The following GALNT10 variants were observed in gnomAD, a reference collection of about 807,000 sequenced individuals.
GALNT10 encodes the protein GalNAc transferase 10.
GALNT10 carries 41 observed loss-of-function variants against 75.0 expected under a neutral mutation model. The ratio of observed to expected loss-of-function variants is 0.55; its 90% CI spans 0.43 to 0.71. The LOEUF (loss-of-function observed/expected upper bound fraction) is 0.71, where lower values mean the gene tolerates loss of function less well. Ranked by LOEUF, GALNT10 falls within the 30% of genes least tolerant of loss-of-function variation. The pLI, the probability that GALNT10 is intolerant of heterozygous loss-of-function variation, is 0.00. For synonymous variants in GALNT10, 302 were observed against 313.0 expected, an observed-to-expected ratio of 0.96 and a Z score of 0.37; for missense variants, 727 against 818.5, an observed-to-expected ratio of 0.89 and a Z score of 1.36.
At chr5:154,411,759 A>G (rs1324955384) in intron 9 of GALNT10, among the ~76,000 whole-genome samples, 1 of 152,208 alleles carries the variant, frequency 6.6e-6, no homozygotes, top group Admixed American at 6.5e-5. Flanking sequence ...GTGTTAGTTC[A>G]AGTCCTCCAA....
intron 1 of GALNT10, among the ~76,000 whole-genome samples, chr5:154,195,285 T>A (rs1451328441): frequency 6.6e-6 from 1 of 152,254 alleles, no homozygotes; most frequent in African/African-American, 2.4e-5. Flanking sequence ...TGCAGAGGTT[T>A]CGTGTTTTAC....
At chr5:154,383,431 A>G (rs1368981800) in intron 6 of GALNT10, among the ~76,000 whole-genome samples, 2 of 152,238 alleles carry the variant, frequency 1.3e-5, no homozygotes, top group Admixed American at 1.3e-4. Flanking sequence ...GGAGACTAAT[A>G]TTAGAGCTTT....
Position 154,416,060 on chromosome 5 carries a change from T to A in GALNT10, c.1653+128T>A. On this transcript the variant is annotated intron_variant, in intron 11 of 11. Coordinates refer to ENST00000297107, the MANE Select transcript of GALNT10 (RefSeq NM_198321.4). This position sits in a 1 kb window ranked among gnomAD's most constrained non-coding sequence, Gnocchi z 4.5. Reference sequence around the variant, plus strand: ...TGTGCCACAAACCTACCATGCCGGATTTTGTAGTCATTCAAGAGTAGTCAG... The same window carrying A: ...TGTGCCACAAACCTACCATGCCGGAATTTGTAGTCATTCAAGAGTAGTCAG... 1.2e-6 allele frequency: 1 copy of A among 830,450 alleles called. No homozygotes were observed. Among genetic ancestry groups the A allele is most frequent in the Non-Finnish European group, 1.9e-6 (1 of 532,086 alleles). The allele number at this position is 830,450 out of a possible 1,614,324, so 51.4% of individuals were successfully genotyped here. A position where few individuals can be genotyped will look rare whatever the true frequency, so the allele number is the denominator to read the frequency against.
chr5:154,419,721 G>A lies in GALNT10; in HGVS notation c.*2749G>A, dbSNP rs535927662. 3.3e-5 allele frequency: 5 copies of A among 152,348 alleles called. No individual in the cohort carries two copies. The East Asian group carries it at 9.7e-4, about 29-fold the overall frequency. The allele number at this position is 152,348 out of a possible 1,614,324, so 9.4% of individuals were successfully genotyped here. ...CATTTCATGGACCAACTGATCAATTGCCAGTACTAAGCCACTCATTGTTAT... is the reference window on the plus strand; with the variant it reads ...CATTTCATGGACCAACTGATCAATTACCAGTACTAAGCCACTCATTGTTAT... On this transcript the variant is annotated 3_prime_UTR_variant, in exon 12 of 12. Transcript: ENST00000297107.
At chr5:154,342,010 C>T (rs942419360) in intron 4 of GALNT10, among the ~76,000 whole-genome samples, 1 of 152,094 alleles carries the variant, frequency 6.6e-6, no homozygotes, top group African/African-American at 2.4e-5. Flanking sequence ...ACTGTCTTCC[C>T]TTTTGCGGGT....
chr5:154,204,341 A>G (rs1240136461), intron 1 of GALNT10, among the ~76,000 whole-genome samples: 1 of 152,074 alleles, frequency 6.6e-6, no homozygotes, highest in East Asian at 1.9e-4. Flanking sequence ...GTCACATCTC[A>G]CCTGGATTCC....
intron 1 of GALNT10, among the ~76,000 whole-genome samples, chr5:154,284,371 G>T (rs554245697): frequency 2.1e-4 from 32 of 152,312 alleles, no homozygotes. Context: ...AGGGGATTAT[G>T]ATTATAATTA....
At chr5:154,289,727 T>C (rs1185984872) in intron 1 of GALNT10, among the ~76,000 whole-genome samples, 1 of 152,218 alleles carries the variant, frequency 6.6e-6, no homozygotes, top group Non-Finnish European at 1.5e-5. Context: ...CTCCTATCTG[T>C]AGACATTTTT....
At chr5:154,214,365 C>A (rs1343297536) in intron 1 of GALNT10, among the ~76,000 whole-genome samples, 2 of 152,070 alleles carry the variant, frequency 1.3e-5, no homozygotes. Context: ...TGGCATTTGT[C>A]TGCTCTGCCG....
intron 8 of GALNT10, among the ~76,000 whole-genome samples, chr5:154,408,957 A>AT (rs377733060): frequency 4.7e-4 from 72 of 152,288 alleles, no homozygotes; most frequent in African/African-American, 1.6e-3. Flanking sequence ...GCTCTGCTTC[A>AT]TTCTGGGTTG....
intron 1 of GALNT10, among the ~76,000 whole-genome samples, chr5:154,230,312 G>A (rs1662900994): frequency 6.6e-6 from 1 of 152,098 alleles, no homozygotes; most frequent in Non-Finnish European, 1.5e-5. Context: ...AGTCATTTGG[G>A]GAATACTAAG....
rs150957935 is a variant in GALNT10, at chr5:154,374,696, C to T, written c.569-1581C>T. The stretch of plus-strand genomic sequence containing the variant: ...TATTACAGGTGGTTCAGAGACTTTG[C>T]ATTAAAAGTAACACTGGATAACGTG... On this transcript the variant is annotated intron_variant, in intron 4 of 11. Coordinates refer to ENST00000297107, the MANE Select transcript of GALNT10 (RefSeq NM_198321.4). Among the ~76,000 whole-genome samples the T allele has an allele frequency of 3.5e-3, 539 of 152,320 alleles. 3 individuals carry two copies. Among genetic ancestry groups the T allele is most frequent in the African/African-American group, 0.012 (514 of 41,564 alleles).
chr5:154,321,375 G>A (rs1754670981), intron 3 of GALNT10, among the ~76,000 whole-genome samples: 1 of 151,364 alleles, frequency 6.6e-6, no homozygotes, highest in African/African-American at 2.4e-5. Context: ...CACAATCTTG[G>A]CTCGCTGCAA....
At chr5:154,289,066 C>T (rs1020460744) in intron 1 of GALNT10, among the ~76,000 whole-genome samples, 1 of 152,194 alleles carries the variant, frequency 6.6e-6, no homozygotes, top group East Asian at 1.9e-4. Flanking sequence ...CACAGTTTTC[C>T]TTATTAGTTT....
intron 1 of GALNT10, among the ~76,000 whole-genome samples, chr5:154,219,137 G>A (rs966372910): frequency 6.6e-6 from 1 of 152,164 alleles, no homozygotes; most frequent in Non-Finnish European, 1.5e-5. Context: ...CCACCTGCTC[G>A]CCTTTGGCTC....
intron 7 of GALNT10, chr5:154,403,737 G>C (rs1195170778): frequency 3.2e-6 from 1 of 313,802 alleles, no homozygotes; most frequent in Non-Finnish European, 6.1e-6. Flanking sequence ...CTAAAACAGG[G>C]TTTAAATTTT....
intron 1 of GALNT10, among the ~76,000 whole-genome samples, chr5:154,274,391 C>T (rs1753918220): frequency 6.6e-6 from 1 of 152,208 alleles, no homozygotes; most frequent in African/African-American, 2.4e-5. Flanking sequence ...CTTACTTATG[C>T]TACTATCTTG....
intron 1 of GALNT10, among the ~76,000 whole-genome samples, chr5:154,232,459 G>A (rs1753164728): frequency 6.6e-6 from 1 of 152,196 alleles, no homozygotes; most frequent in African/African-American, 2.4e-5. Context: ...TAGCCTTCAG[G>A]AAGCTTACAT....
intron 1 of GALNT10, among the ~76,000 whole-genome samples, chr5:154,239,332 C>T (rs1424284564): frequency 6.6e-6 from 1 of 152,206 alleles, no homozygotes; most frequent in African/African-American, 2.4e-5. Context: ...ACGTATAAGG[C>T]AGGGGTCCCC....
Sources: gnomAD v4.1 joint callset for allele counts (sites outside exome capture counted in the v4.1 genomes callset) on GRCh38, gnomAD v4.1.1 for gene constraint, Gnocchi (gnomAD v3.1) non-coding constraint, MANE v1.5 for transcripts, NCBI Gene and HGNC (gene_info 2026-07-23, HGNC 2026-07-21) for gene names.